The following CHRM3 variants were observed in gnomAD, a reference collection of about 807,000 sequenced individuals.
CHRM3 encodes the protein cholinergic receptor muscarinic 3.
CHRM3 carries 11 observed loss-of-function variants against 41.8 expected under a neutral mutation model. The ratio of observed to expected loss-of-function variants is 0.26; its 90% CI spans 0.17 to 0.44. CHRM3 has a LOEUF of 0.44. CHRM3 is among the 20% of genes least tolerant of loss of function. The pLI is 1.00. For missense variants in CHRM3, 571 were observed against 745.4 expected (o/e 0.77, Z 2.72); for synonymous variants, 297 against 301.4 (o/e 0.99, Z 0.15).
At chr1:239,635,260 G>C (rs535222058) in intron 4 of CHRM3, among the ~76,000 whole-genome samples, 19 of 152,112 alleles carry the variant, frequency 1.2e-4, no homozygotes, top group Non-Finnish European at 2.2e-4. Flanking sequence ...ACCTCCATCA[G>C]ATCTTGTTAT....
chr1:239,863,669 C>A (rs1362305749), intron 6 of CHRM3, among the ~76,000 whole-genome samples: 3 of 152,058 alleles, frequency 2.0e-5, no homozygotes, highest in Admixed American at 2.0e-4. Flanking sequence ...TGGATAATCC[C>A]AGTGCTGTTA....
chr1:239,820,215 A>G (rs148377097), intron 5 of CHRM3, among the ~76,000 whole-genome samples: 2 of 152,336 alleles, frequency 1.3e-5, no homozygotes, highest in East Asian at 3.9e-4. Flanking sequence ...TCACAGAACA[A>G]TTACCCAGTA....
intron 4 of CHRM3, among the ~76,000 whole-genome samples, chr1:239,652,004 A>G (rs1323107759): frequency 8.8e-6 from 1 of 113,318 alleles, no homozygotes; most frequent in East Asian, 2.9e-4. Context: ...TTTTTTTTTG[A>G]TGCAGCTACA....
intron 1 of CHRM3, among the ~76,000 whole-genome samples, chr1:239,491,210 C>T (rs1667530594): frequency 6.6e-6 from 1 of 152,182 alleles, no homozygotes; most frequent in African/African-American, 2.4e-5. Flanking sequence ...TCCAGATCTG[C>T]TCTTCTAGCT....
rs1271653234 is a variant in CHRM3 at position 239,748,342 on chromosome 1, T to G, written c.-147+70054T>G. Reference sequence around the variant, plus strand: ...ACATCACTTCTCTCTTACGATGCAGTCAGAATCTTATTGACACTTCTTTTT... The same window carrying G: ...ACATCACTTCTCTCTTACGATGCAGGCAGAATCTTATTGACACTTCTTTTT... On this transcript the variant is annotated intron_variant, in intron 5 of 6. Transcript: ENST00000676153. The surrounding 1 kb of genome is among the most constrained non-coding windows in gnomAD (Gnocchi z 4.3). Among the ~76,000 whole-genome samples, 1 of 152,202 alleles carries G rather than the reference T, an allele frequency of 6.6e-6. No individual in the cohort carries two copies. The highest frequency in any genetic ancestry group is 1.5e-5 in the Non-Finnish European group (1 of 68,044).
intron 1 of CHRM3, among the ~76,000 whole-genome samples, chr1:239,410,207 C>CA (rs1428793300): frequency 6.6e-6 from 1 of 152,070 alleles, no homozygotes; most frequent in African/African-American, 2.4e-5. Context: ...AAATTTTTAT[C>CA]AATTTACAGT....
At chr1:239,536,711 T>C (rs1339965805) in intron 2 of CHRM3, among the ~76,000 whole-genome samples, 3 of 152,208 alleles carry the variant, frequency 2.0e-5, no homozygotes, top group Non-Finnish European at 4.4e-5. Context: ...ATGTTTTCTA[T>C]GTTCTTTTGG....
chr1:239,584,612 G>T (rs1663234570), intron 3 of CHRM3, among the ~76,000 whole-genome samples: 1 of 152,156 alleles, frequency 6.6e-6, no homozygotes, highest in South Asian at 2.1e-4. Flanking sequence ...ACTGAAGAAT[G>T]CTATGACATA....
At chr1:239,447,632 C>T (rs1416950192) in intron 1 of CHRM3, among the ~76,000 whole-genome samples, 3 of 152,036 alleles carry the variant, frequency 2.0e-5, no homozygotes, top group East Asian at 1.9e-4. Context: ...AAAACTTAGC[C>T]GGGCGTGGTG....
chr1:239,519,893 A>G (rs564266118), intron 2 of CHRM3, among the ~76,000 whole-genome samples: 10,689 of 151,228 alleles, frequency 0.071, 554 homozygotes, highest in Non-Finnish European at 0.11. Context: ...GACCACAGGC[A>G]CCCGCCACCA....
intron 3 of CHRM3, among the ~76,000 whole-genome samples, chr1:239,607,088 T>G (rs1333105940): frequency 6.6e-6 from 1 of 152,156 alleles, no homozygotes; most frequent in Non-Finnish European, 1.5e-5. Context: ...TGATTTTTTT[T>G]GTTTGTTTTT....
At chr1:239,552,161 A>AT (rs1659892445) in intron 3 of CHRM3, among the ~76,000 whole-genome samples, 1 of 148,794 alleles carries the variant, frequency 6.7e-6, no homozygotes, top group African/African-American at 2.4e-5. Flanking sequence ...TATTTATTAT[A>AT]TTATGATATA....
intron 5 of CHRM3, among the ~76,000 whole-genome samples, chr1:239,744,156 A>G (rs977881618): frequency 2.0e-5 from 3 of 151,678 alleles, no homozygotes; most frequent in African/African-American, 7.3e-5. Context: ...TTCATTCAAC[A>G]TGTATTCATT....
At chr1:239,776,774 T>C (rs1211285159) in intron 5 of CHRM3, among the ~76,000 whole-genome samples, 2 of 152,130 alleles carry the variant, frequency 1.3e-5, no homozygotes, top group Non-Finnish European at 2.9e-5. Flanking sequence ...TGGGGAGGCC[T>C]CAGGAAACTT....
chr1:239,816,553 C>A (rs1671602757), intron 5 of CHRM3, among the ~76,000 whole-genome samples: 1 of 152,018 alleles, frequency 6.6e-6, no homozygotes, highest in South Asian at 2.1e-4. Context: ...AATGTTGCTC[C>A]CCAGGCCTGC....
intron 4 of CHRM3, among the ~76,000 whole-genome samples, chr1:239,640,548 T>C (rs1036615549): frequency 9.9e-5 from 15 of 152,182 alleles, no homozygotes; most frequent in African/African-American, 3.6e-4. Context: ...CTAGTTTATT[T>C]GTGTAGAGGT....
chr1:239,741,926 G>C (rs976052534), intron 5 of CHRM3, among the ~76,000 whole-genome samples: 2 of 152,148 alleles, frequency 1.3e-5, no homozygotes, highest in Non-Finnish European at 2.9e-5. Context: ...TTGTCTGCAA[G>C]AGGTAAAGTC....
chr1:239,584,464 A>G (rs995554694), intron 3 of CHRM3, among the ~76,000 whole-genome samples: 6 of 152,188 alleles, frequency 3.9e-5, no homozygotes, highest in Admixed American at 2.6e-4. Context: ...ACTGATTAGC[A>G]TCCATAAACT....
intron 6 of CHRM3, among the ~76,000 whole-genome samples, chr1:239,856,666 A>G (rs555505273): frequency 6.6e-6 from 1 of 152,288 alleles, no homozygotes; most frequent in South Asian, 2.1e-4. Flanking sequence ...AAGACAATTA[A>G]AAGCCATGGA....
Sources: allele counts gnomAD v4.1 joint callset (sites outside exome capture counted in the v4.1 genomes callset), GRCh38; gene constraint gnomAD v4.1.1; non-coding constraint Gnocchi (gnomAD v3.1); transcripts MANE v1.5; gene names NCBI Gene and HGNC (gene_info 2026-07-23, HGNC 2026-07-21).